ZFHX2: variants seen among roughly 807,000 people sequenced by gnomAD.
ZFHX2 encodes zinc finger homeobox 2.
In ZFHX2, 75 loss-of-function variants were observed where a neutral mutation model predicts 164.8. The ratio of observed to expected loss-of-function variants is 0.46; its 90% CI spans 0.38 to 0.55. The LOEUF (loss-of-function observed/expected upper bound fraction) is 0.55, where lower values mean the gene tolerates loss of function less well. ZFHX2 is among the 20% of genes least tolerant of loss of function. ZFHX2 has a pLI of 0.00. For synonymous variants in ZFHX2, 1,217 were observed against 1,351.4 expected (o/e 0.90, Z 2.18); for missense variants, 2,933 against 3,308.0 (o/e 0.89, Z 2.78).
chr14:23,527,528 A>T, intron 7 of ZFHX2, 76 bp downstream of exon 7: 7 of 1,508,100 alleles, frequency 4.6e-6, no homozygotes, highest in Non-Finnish European at 6.2e-6. Flanking sequence ...CTGCCTGAAT[A>T]CCCCTGCCTC....
At position 23,533,426 on chromosome 14, in the gene ZFHX2, A is replaced by T; in HGVS notation, c.1900T>A (p.Tyr634Asn). 1.3e-6 allele frequency: 2 copies of T among 1,523,636 alleles called. No homozygotes were observed. Among genetic ancestry groups the T allele is most frequent in the Non-Finnish European group, 1.8e-6 (2 of 1,139,156 alleles). 94.4% of individuals were successfully genotyped at this position (1,523,636 alleles called of 1,614,324 possible). A position where few individuals can be genotyped will look rare whatever the true frequency, so the allele number is the denominator to read the frequency against. Residue 634 changes from tyrosine to asparagine, a missense_variant, in exon 2 of 10, where the codon TAC becomes AAC. By Grantham distance (143) the Tyr-to-Asn change is moderately radical (BLOSUM62 -2). Transcript: ENST00000419474. The surrounding 1 kb of genome is among the most constrained non-coding windows in gnomAD (Gnocchi z 4.8). Reference protein sequence around the residue: ...TPTSPPELFQYFGPQALGQPQ... With the variant: ...TPTSPPELFQNFGPQALGQPQ... The stretch of plus-strand genomic sequence containing the variant: ...TGCCCTAGGGCCTGGGGCCCAAAGT[A>T]CTGGAAGAGTTCAGGGGGGCTAGTG...
intron 1 of ZFHX2, among the ~76,000 whole-genome samples, chr14:23,539,707 C>T (rs142697014): frequency 1.1e-3 from 165 of 152,282 alleles, no homozygotes; most frequent in African/African-American, 3.9e-3. Context: ...TCCCATCCCC[C>T]AGCAAGACCA....
chr14:23,537,546 A>G (rs1880319328), intron 1 of ZFHX2, among the ~76,000 whole-genome samples: 1 of 152,164 alleles, frequency 6.6e-6, no homozygotes, highest in Non-Finnish European at 1.5e-5. Context: ...GGTTCTAGCC[A>G]GGCATGAAGT....
At position 23,522,460 on chromosome 14, in the gene ZFHX2, G is replaced by A. The variant is rs1342028988; in HGVS notation, c.7221C>T (p.Pro2407=). ...PNALLQPPPQ[P]PEPTATAPPK... Reference sequence around the variant, plus strand: ...GAGGTGCTGTGGCTGTGGGCTCAGGGGGCTGGGGTGGCGGCTGGAGGAGGG... The same window carrying A: ...GAGGTGCTGTGGCTGTGGGCTCAGGAGGCTGGGGTGGCGGCTGGAGGAGGG... Residue 2407 remains proline, a synonymous_variant, in exon 10 of 10, where the codon CCC becomes CCT. Coordinates refer to ENST00000419474, the MANE Select transcript of ZFHX2 (RefSeq NM_033400.3). 6 of 1,536,062 alleles carry A rather than the reference G, an allele frequency of 3.9e-6. No homozygotes were observed. In the Admixed American group the frequency reaches 9.8e-5, roughly 25 times the overall value.
chr14:23,555,070 C>T (rs930990892), upstream of ZFHX2, among the ~76,000 whole-genome samples: 1 of 152,200 alleles, frequency 6.6e-6, no homozygotes, highest in Non-Finnish European at 1.5e-5. Context: ...TCACTGCAAC[C>T]TCTGCCTCCC....
At chr14:23,540,253 A>G (rs1880652628) in intron 1 of ZFHX2, among the ~76,000 whole-genome samples, 1 of 152,126 alleles carries the variant, frequency 6.6e-6, no homozygotes, top group African/African-American at 2.4e-5. Flanking sequence ...GGCCTCCCAA[A>G]CTGCTGGGAT....
intron 5 of ZFHX2, 141 bp downstream of exon 5, chr14:23,529,979 G>T: frequency 9.8e-7 from 1 of 1,016,564 alleles, no homozygotes; most frequent in Non-Finnish European, 1.5e-6. Flanking sequence ...TCGTGGCTCA[G>T]CCTCCCTTCC....
chr14:23,537,499 C>T (rs1253691761), intron 1 of ZFHX2, among the ~76,000 whole-genome samples: 3 of 152,148 alleles, frequency 2.0e-5, no homozygotes, highest in Non-Finnish European at 4.4e-5. Context: ...TGGCCCCACC[C>T]AACCTGAAGG....
intron 1 of ZFHX2, among the ~76,000 whole-genome samples, chr14:23,544,553 G>A (rs1881174429): frequency 6.6e-6 from 1 of 152,156 alleles, no homozygotes; most frequent in Non-Finnish European, 1.5e-5. Flanking sequence ...GGCCCTCCAT[G>A]TACACGTGTG....
At position 23,531,485 on chromosome 14, in the gene ZFHX2, A is replaced by G; in HGVS notation, c.2796T>C (p.Thr932=). The change falls in exon 4 of 10, where the codon ACT becomes ACC. Residue 932 remains threonine, a synonymous_variant. Coordinates refer to ENST00000419474, the MANE Select transcript of ZFHX2 (RefSeq NM_033400.3). ...CTCCAGTCCCTTCTTCCTCACCGGG[A>G]GTCCGGAGCTGCCCGTGGCTGAAGC... ...ILSFSHGQLR[T]PGKAPVTPLA... is the part of the protein sequence containing the mutation. 7.1e-7 allele frequency: 1 copy of G among 1,399,850 alleles called. No homozygotes were observed. Among genetic ancestry groups the G allele is most frequent in the East Asian group, 2.7e-5 (1 of 36,822 alleles). 86.7% of individuals were successfully genotyped at this position (1,399,850 alleles called of 1,614,324 possible). A position where few individuals can be genotyped will look rare whatever the true frequency, so the allele number is the denominator to read the frequency against.
chr14:23,526,468 G>A lies in ZFHX2; in HGVS notation c.3474C>T (p.Arg1158=). 1 of 1,536,168 alleles carries A rather than the reference G, an allele frequency of 6.5e-7. No individual in the cohort carries two copies. Among genetic ancestry groups the A allele is most frequent in the Non-Finnish European group, 8.7e-7 (1 of 1,146,870 alleles). ...AGTCAGCTGGAGCTGGCTCTGCAGA[G>A]CGGAGCTCCCCAGTGGTCCCCTCTT... The part of the protein sequence containing the change: ...EEEEGTTGEL[R]SAEPAPADSR... Residue 1158 remains arginine, a synonymous_variant, in exon 9 of 10, where the codon CGC becomes CGT. Coordinates refer to ENST00000419474, the MANE Select transcript of ZFHX2 (RefSeq NM_033400.3).
At chr14:23,532,056 G>A (rs532308967) in intron 3 of ZFHX2, 12 of 190,410 alleles carry the variant, frequency 6.3e-5, no homozygotes, top group East Asian at 5.1e-4. Context: ...GACTACAGGC[G>A]TGAGCCACCG....
chr14:23,545,370 G>T (rs1453503104), intron 1 of ZFHX2, among the ~76,000 whole-genome samples: 1 of 152,156 alleles, frequency 6.6e-6, no homozygotes, highest in Admixed American at 6.5e-5. Flanking sequence ...TCATTTCCCT[G>T]CGGAGGGGTC....
rs888372296 is a variant in ZFHX2 at position 23,525,885 on chromosome 14, C to T, written c.4057G>A (p.Glu1353Lys). ...PVLPPFPLVP[E>K]SLLKLQQQQL... ...TGCTGCTGGAGCTTAAGCAGTGATT[C>T]GGGCACCAGAGGGAAGGGGGGCAGG... Residue 1353 changes from glutamate (E) to lysine (K), a missense_variant, in exon 9 of 10, where the codon GAA (glutamate) becomes AAA (lysine). Physicochemically the swap from Glu to Lys is moderately conservative, Grantham distance 56. Transcript: ENST00000419474. The surrounding 1 kb of genome is among the most constrained non-coding windows in gnomAD (Gnocchi z 5.9). 5.5e-6 allele frequency: 8 copies of T among 1,447,328 alleles called. No homozygotes were observed. Among genetic ancestry groups the T allele is most frequent in the South Asian group, 2.9e-5 (2 of 69,810 alleles). The allele number at this position is 1,447,328 out of a possible 1,614,324, so 89.7% of individuals were successfully genotyped here. A position where few individuals can be genotyped will look rare whatever the true frequency, so the allele number is the denominator to read the frequency against.
chr14:23,526,047 C>T lies in ZFHX2; in HGVS notation c.3895G>A (p.Glu1299Lys), dbSNP rs527943085. 188 of 1,536,472 alleles carry T rather than the reference C, an allele frequency of 1.2e-4. No individual in the cohort carries two copies. Among genetic ancestry groups the T allele is most frequent in the South Asian group, 1.2e-3 (100 of 84,050 alleles). The change falls in exon 9 of 10, where the codon GAG (glutamate) becomes AAG (lysine). Residue 1299 changes from glutamate (E) to lysine (K), a missense_variant. Physicochemically the swap from Glu to Lys is moderately conservative, Grantham distance 56 (BLOSUM62 1). Transcript: ENST00000419474. The part of the protein sequence containing the change: ...ERSQEEPKEG[E>K]TEGEVGTEKK... ...TCAGTGCCCACCTCCCCCTCTGTCT[C>T]GCCTTCCTTGGGCTCTTCTTGGCTG...
rs996048615 is a variant in ZFHX2 at position 23,534,093 on chromosome 14, G to A, written c.1233C>T (p.Asp411=). ...GATAGGGCTGGGGTGGGTCACTGGG[G>A]TCTTCGGGGGAGCCCACTGGGGCAG... ...TLPAPVGSPE[D]PSDPPQPYRL... Residue 411 remains aspartate, a synonymous_variant, in exon 2 of 10, where the codon GAC becomes GAT. Coordinates refer to ENST00000419474, the MANE Select transcript of ZFHX2 (RefSeq NM_033400.3). This position sits in a 1 kb window ranked among gnomAD's most constrained non-coding sequence, Gnocchi z 4.5. 33 of 1,500,312 alleles carry A rather than the reference G, an allele frequency of 2.2e-5. No homozygotes were observed. In the Admixed American group the frequency reaches 5.4e-4, roughly 25 times the overall value. 92.9% of individuals were successfully genotyped at this position (1,500,312 alleles called of 1,614,324 possible).
At chr14:23,522,997 C>T in intron 9 of ZFHX2, 56 bp from the exon 10 acceptor site, 1 of 1,423,294 alleles carries the variant, frequency 7.0e-7, no homozygotes, top group African/African-American at 1.4e-5. Flanking sequence ...CATCATTCTT[C>T]CTGCCATAGG....
rs1881393937 is a variant in ZFHX2, at chr14:23,546,474, C to A, written c.-50+4869G>T. On this transcript the variant is annotated intron_variant, in intron 1 of 9. Coordinates refer to ENST00000419474, the MANE Select transcript of ZFHX2 (RefSeq NM_033400.3). This position sits in a 1 kb window ranked among gnomAD's most constrained non-coding sequence, Gnocchi z 4.7. ...TGACAGGACTGTGGGTGGACCTCAG[C>A]CCTGTCACCCCTTAACAACTGCACA... 6.6e-6 allele frequency among the ~76,000 whole-genome samples: 1 copy of A among 152,142 alleles called. No homozygotes were observed. The highest frequency in any genetic ancestry group is 1.5e-5 in the Non-Finnish European group (1 of 68,036).
Position 23,526,301 on chromosome 14 carries a change from G to A in ZFHX2, c.3641C>T (p.Ser1214Phe). Reference sequence around the variant, plus strand: ...AGCCTTCTTCATCTTGTGAAGGTGGGAGACAGAATTATAATGAACCAACAG... The same window carrying A: ...AGCCTTCTTCATCTTGTGAAGGTGGAAGACAGAATTATAATGAACCAACAG... Reference protein sequence around the residue: ...NILLVHYNSVSHLHKMKKAAI... With the variant: ...NILLVHYNSVFHLHKMKKAAI... Residue 1214 changes from serine to phenylalanine, a missense_variant, in exon 9 of 10, where the codon TCC becomes TTC. Physicochemically the swap from Ser to Phe is radical, Grantham distance 155. Transcript: ENST00000419474. The A allele has an allele frequency of 6.5e-7, 1 of 1,536,314 alleles. No homozygotes were observed. The highest frequency in any genetic ancestry group is 1.2e-5 in the South Asian group (1 of 84,066).
Sources: gnomAD v4.1 joint callset for allele counts (sites outside exome capture counted in the v4.1 genomes callset) on GRCh38, gnomAD v4.1.1 for gene constraint, Gnocchi (gnomAD v3.1) non-coding constraint, MANE v1.5 for transcripts, NCBI Gene and HGNC (gene_info 2026-07-23, HGNC 2026-07-21) for gene names.